ZSWIM6: variants seen among roughly 807,000 people sequenced by gnomAD.
ZSWIM6 encodes zinc finger SWIM-type containing 6.
Under a neutral mutation model 113.2 loss-of-function variants are expected in ZSWIM6, and 9 were observed. That is an observed-to-expected ratio of 0.08 (90% CI 0.05 to 0.14). The LOEUF (loss-of-function observed/expected upper bound fraction) is 0.14. Ranked by LOEUF, ZSWIM6 falls within the 10% of genes least tolerant of loss-of-function variation. ZSWIM6 has a pLI of 1.00. For missense variants in ZSWIM6, 1,162 were observed against 1,552.2 expected (o/e 0.75, Z 4.22); for synonymous variants, 611 against 606.5 (o/e 1.01, Z -0.11).
intron 1 of ZSWIM6, among the ~76,000 whole-genome samples, chr5:61,398,395 A>G (rs955313917): frequency 1.3e-5 from 2 of 152,068 alleles, no homozygotes; most frequent in Admixed American, 1.3e-4. Context: ...CTATCCCCCT[A>G]CCCCTAGTTC....
intron 1 of ZSWIM6, among the ~76,000 whole-genome samples, chr5:61,447,299 A>G (rs1746976205): frequency 6.6e-6 from 1 of 152,218 alleles, no homozygotes; most frequent in South Asian, 2.1e-4. Flanking sequence ...CTGTATCAAC[A>G]CATATACAAA....
intron 1 of ZSWIM6, among the ~76,000 whole-genome samples, chr5:61,424,989 A>G (rs1192279133): frequency 6.6e-6 from 1 of 152,054 alleles, no homozygotes; most frequent in Non-Finnish European, 1.5e-5. Context: ...AAGCGCTGGG[A>G]TTACAAACGT....
chr5:61,467,086 G>A (rs2112176162), intron 1 of ZSWIM6, among the ~76,000 whole-genome samples: 1 of 152,288 alleles, frequency 6.6e-6, no homozygotes, highest in Non-Finnish European at 1.5e-5. Context: ...GCGTAGAGAA[G>A]AGTTCTTTCT....
At chr5:61,381,647 A>C (rs1745489659) in intron 1 of ZSWIM6, among the ~76,000 whole-genome samples, 1 of 152,180 alleles carries the variant, frequency 6.6e-6, no homozygotes, top group Non-Finnish European at 1.5e-5. Context: ...GAAAACTAAC[A>C]CACAGTATAT....
chr5:61,407,034 T>C (rs1746056945), intron 1 of ZSWIM6, among the ~76,000 whole-genome samples: 1 of 152,186 alleles, frequency 6.6e-6, no homozygotes, highest in Admixed American at 6.5e-5. Context: ...TTAAAAAGGA[T>C]TTAGTTTCAT....
intron 4 of ZSWIM6, among the ~76,000 whole-genome samples, chr5:61,500,115 A>G (rs1423298396): frequency 6.7e-6 from 1 of 148,730 alleles, no homozygotes; most frequent in East Asian, 1.9e-4. Flanking sequence ...TATTATTATT[A>G]TTATTATTAT....
At position 61,543,792 on chromosome 5, in the gene ZSWIM6, G is replaced by T; in HGVS notation, c.3123G>T (p.Gly1041=). ...FTIARYMEHR[G]YPMRAYKLAT... is the part of the protein sequence containing the mutation. The stretch of plus-strand genomic sequence containing the variant: ...TAGCACGGTACATGGAGCACCGCGG[G>T]TACCCCATGAGGGCCTACAAGCTGG... Residue 1041 remains glycine, a synonymous_variant, in exon 14 of 14, where the codon GGG becomes GGT. Coordinates refer to ENST00000252744, the MANE Select transcript of ZSWIM6 (RefSeq NM_020928.2). The surrounding 1 kb of genome is among the most constrained non-coding windows in gnomAD (Gnocchi z 4.3). The T allele has an allele frequency of 1.3e-6, 2 of 1,551,854 alleles. No homozygotes were observed. Among genetic ancestry groups the T allele is most frequent in the Middle Eastern group, 1.7e-4 (1 of 5,994 alleles).
chr5:61,540,939 TTG>T (rs1178441185), intron 12 of ZSWIM6, among the ~76,000 whole-genome samples: 242 of 62,042 alleles, frequency 3.9e-3, no homozygotes, highest in African/African-American at 0.015. Context: ...TTTTTTTTTG[TTG>T]TTGTTGTTGT....
At chr5:61,409,542 C>A (rs778540425) in intron 1 of ZSWIM6, among the ~76,000 whole-genome samples, 3 of 152,202 alleles carry the variant, frequency 2.0e-5, no homozygotes, top group Non-Finnish European at 2.9e-5. Flanking sequence ...TAGCAACTTA[C>A]AAGGATGGTG....
At chr5:61,459,119 C>A (rs1219815910) in intron 1 of ZSWIM6, among the ~76,000 whole-genome samples, 1 of 152,084 alleles carries the variant, frequency 6.6e-6, no homozygotes, top group Non-Finnish European at 1.5e-5. Flanking sequence ...TAAAAAAGAA[C>A]AGAAGTCAAA....
At chr5:61,411,329 A>G (rs968730731) in intron 1 of ZSWIM6, among the ~76,000 whole-genome samples, 3 of 152,208 alleles carry the variant, frequency 2.0e-5, no homozygotes, top group African/African-American at 4.8e-5. Context: ...AGGTGAGCAC[A>G]TTTTGAGTTA....
intron 1 of ZSWIM6, among the ~76,000 whole-genome samples, chr5:61,336,915 A>G (rs1382807671): frequency 6.6e-6 from 1 of 152,242 alleles, no homozygotes; most frequent in African/African-American, 2.4e-5. Context: ...CAATAGGAAA[A>G]TGGGCAGCAC....
intron 4 of ZSWIM6, among the ~76,000 whole-genome samples, chr5:61,511,629 C>T (rs1748790525): frequency 6.6e-6 from 1 of 152,090 alleles, no homozygotes; most frequent in Non-Finnish European, 1.5e-5. Flanking sequence ...CATGTGAGGA[C>T]ACAATTAGAA....
At chr5:61,371,274 A>G (rs994927179) in intron 1 of ZSWIM6, among the ~76,000 whole-genome samples, 3 of 152,214 alleles carry the variant, frequency 2.0e-5, no homozygotes, top group African/African-American at 7.2e-5. Flanking sequence ...CAAACTCTTA[A>G]AATTGATGAC....
chr5:61,498,184 G>A (rs1748371844), intron 4 of ZSWIM6, among the ~76,000 whole-genome samples: 1 of 152,134 alleles, frequency 6.6e-6, no homozygotes, highest in African/African-American at 2.4e-5. Flanking sequence ...CTTAATTACA[G>A]TTTTATCACA....
rs1561253649 is a variant in ZSWIM6, at chr5:61,477,080, G to C, written c.1033+4043G>C. 2.0e-5 allele frequency among the ~76,000 whole-genome samples: 3 copies of C among 152,178 alleles called. No homozygotes were observed. The South Asian group carries it at 6.2e-4, about 32-fold the overall frequency. On this transcript the variant is annotated intron_variant, in intron 2 of 13. Coordinates refer to ENST00000252744, the MANE Select transcript of ZSWIM6 (RefSeq NM_020928.2). ...AGGGATGGATAATACTATAATTGGA[G>C]GTCAGATTGCTTTCCCTGACTTTCT...
intron 1 of ZSWIM6, among the ~76,000 whole-genome samples, chr5:61,387,987 T>TC (rs1353337294): frequency 1.1e-4 from 13 of 121,036 alleles, no homozygotes; most frequent in African/African-American, 4.7e-4. Context: ...TCTCTCTCTC[T>TC]TTTTTTTTTT....
chr5:61,350,909 G>C (rs888829482), intron 1 of ZSWIM6, among the ~76,000 whole-genome samples: 1 of 152,134 alleles, frequency 6.6e-6, no homozygotes, highest in African/African-American at 2.4e-5. Context: ...ACACAAAAGG[G>C]AAATAGATTG....
intron 1 of ZSWIM6, among the ~76,000 whole-genome samples, chr5:61,454,793 A>C (rs901663801): frequency 6.6e-6 from 1 of 151,902 alleles, no homozygotes; most frequent in Admixed American, 6.6e-5. Flanking sequence ...CATGTTGGTC[A>C]GGCTGGTCTC....
Sources: gnomAD v4.1 joint callset for allele counts (sites outside exome capture counted in the v4.1 genomes callset) on GRCh38, gnomAD v4.1.1 for gene constraint, Gnocchi (gnomAD v3.1) non-coding constraint, MANE v1.5 for transcripts, NCBI Gene and HGNC (gene_info 2026-07-23, HGNC 2026-07-21) for gene names.